CLASP1: variants seen among roughly 807,000 people sequenced by gnomAD.
CLASP1 encodes cytoplasmic linker associated protein 1, also known as CLIP-associating protein 1.
In CLASP1, 38 loss-of-function variants were observed where a neutral mutation model predicts 192.3. The observed-to-expected ratio is 0.20, with a 90% CI of 0.15 to 0.26. The LOEUF (loss-of-function observed/expected upper bound fraction) is 0.26. Ranked by LOEUF, CLASP1 falls within the 10% of genes least tolerant of loss-of-function variation. The pLI is 1.00. For missense variants in CLASP1, 1,433 were observed against 1,932.5 expected, an observed-to-expected ratio of 0.74 and a Z score of 4.85; for synonymous variants, 691 against 712.8, an observed-to-expected ratio of 0.97 and a Z score of 0.49.
At chr2:121,549,085 T>A (rs2057754617) in intron 2 of CLASP1, among the ~76,000 whole-genome samples, 1 of 152,046 alleles carries the variant, frequency 6.6e-6, no homozygotes, top group African/African-American at 2.4e-5. Flanking sequence ...TACACATATA[T>A]AAAACTAACC....
chr2:121,433,664 G>A (rs1344985547), intron 19 of CLASP1, among the ~76,000 whole-genome samples: 5 of 152,000 alleles, frequency 3.3e-5, no homozygotes, highest in Admixed American at 3.3e-4. Context: ...GCTGAGGCAC[G>A]AGAATTGCTT....
rs145127425 is a variant in CLASP1 at position 121,363,291 on chromosome 2, G to T, written c.4087C>A (p.Arg1363=). The change falls in exon 37 of 40, where the codon CGA becomes AGA. Residue 1363 remains arginine (R), a synonymous_variant. Transcript: ENST00000263710. The stretch of plus-strand genomic sequence containing the variant: ...CTCAAAACTCTTAACGCCAGTGCTC[G>T]AATTGAATGCTAGAATACAAAGGGA... 3.1e-6 allele frequency: 5 copies of T among 1,613,606 alleles called. No individual in the cohort carries two copies. In the African/African-American group the frequency reaches 5.3e-5, roughly 17 times the overall value.
At chr2:121,540,557 G>A (rs1392615644) in intron 2 of CLASP1, among the ~76,000 whole-genome samples, 1 of 152,080 alleles carries the variant, frequency 6.6e-6, no homozygotes, top group Non-Finnish European at 1.5e-5. Flanking sequence ...GGGAGGCTGA[G>A]GTGGGCGAAT....
intron 2 of CLASP1, among the ~76,000 whole-genome samples, chr2:121,535,114 C>A (rs1202153327): frequency 6.6e-6 from 1 of 152,064 alleles, no homozygotes; most frequent in Non-Finnish European, 1.5e-5. Flanking sequence ...GCCACCTCTA[C>A]GAAAAAATAC....
intron 3 of CLASP1, 23 bp from the exon 4 acceptor site, chr2:121,528,803 A>G: frequency 6.3e-7 from 1 of 1,576,640 alleles, no homozygotes; most frequent in Non-Finnish European, 8.7e-7. Flanking sequence ...ATGGAAACTG[A>G]TCAAATGAAA....
At position 121,559,635 on chromosome 2, in the gene CLASP1, G is replaced by GA. The variant is rs200697884; in HGVS notation, c.196-29311dup. On this transcript the variant is annotated intron_variant, in intron 2 of 39. Transcript: ENST00000263710. ...TTATGAAATATCTGGAATAGAGACA[G>GA]AAAAAAAAAATCCAAAGACAGCAAG... Among the ~76,000 whole-genome samples the GA allele has an allele frequency of 9.5e-4, 142 of 149,842 alleles. 1 individual carries two copies. The highest frequency in any genetic ancestry group is 3.3e-3 in the Admixed American group (49 of 15,034).
At chr2:121,467,744 T>C (rs1408288864) in intron 9 of CLASP1, among the ~76,000 whole-genome samples, 2 of 152,230 alleles carry the variant, frequency 1.3e-5, no homozygotes, top group Admixed American at 6.5e-5. Flanking sequence ...ATTCTGTAGG[T>C]TGAGTGTTCT....
At chr2:121,532,020 CACA>C (rs2094905065) in intron 2 of CLASP1, among the ~76,000 whole-genome samples, 1 of 152,226 alleles carries the variant, frequency 6.6e-6, no homozygotes, top group Admixed American at 6.5e-5. Context: ...CCAATGTTCA[CACA>C]ACAACCAAAC....
intron 8 of CLASP1, among the ~76,000 whole-genome samples, chr2:121,486,224 CA>C (rs1332240076): frequency 6.6e-6 from 1 of 152,122 alleles, no homozygotes; most frequent in African/African-American, 2.4e-5. Flanking sequence ...ATTTATCCCT[CA>C]AAAAGGAACT....
intron 26 of CLASP1, chr2:121,402,452 C>T (rs916840218): frequency 2.0e-5 from 8 of 408,702 alleles, no homozygotes; most frequent in African/African-American, 2.1e-5. Context: ...AACCCTATAC[C>T]GCCTCATTTC....
intron 8 of CLASP1, among the ~76,000 whole-genome samples, chr2:121,483,593 T>TAC (rs2092775666): frequency 1.3e-5 from 2 of 151,952 alleles, no homozygotes; most frequent in Non-Finnish European, 1.5e-5. Flanking sequence ...TATACATATA[T>TAC]ACACACACAC....
chr2:121,633,655 C>T (rs1159361377), intron 1 of CLASP1, among the ~76,000 whole-genome samples: 2 of 152,124 alleles, frequency 1.3e-5, no homozygotes, highest in Non-Finnish European at 2.9e-5. Context: ...AGTCAATCTC[C>T]TTGTCTCATG....
intron 2 of CLASP1, among the ~76,000 whole-genome samples, chr2:121,574,200 T>C (rs376157277): frequency 1.4e-4 from 21 of 151,980 alleles, no homozygotes; most frequent in African/African-American, 4.3e-4. Context: ...TGTTGGCGGG[T>C]GCCTATAGTC....
chr2:121,460,746 G>C (rs1333803919), intron 11 of CLASP1, among the ~76,000 whole-genome samples: 1 of 152,000 alleles, frequency 6.6e-6, no homozygotes, highest in Non-Finnish European at 1.5e-5. Flanking sequence ...GTGATAAGAA[G>C]AAAGAAAAGA....
intron 6 of CLASP1, among the ~76,000 whole-genome samples, chr2:121,523,022 G>A (rs1046370397): frequency 2.0e-5 from 3 of 152,134 alleles, no homozygotes; most frequent in African/African-American, 7.2e-5. Context: ...TCACTTGCAA[G>A]GACTCTCATA....
chr2:121,596,166 C>T (rs1222101503), intron 2 of CLASP1, among the ~76,000 whole-genome samples: 10 of 152,176 alleles, frequency 6.6e-5, no homozygotes, highest in Admixed American at 6.5e-4. Context: ...ACCAACAATC[C>T]ATATAAATTT....
chr2:121,589,502 C>T (rs1291731624), intron 2 of CLASP1, among the ~76,000 whole-genome samples: 4 of 152,030 alleles, frequency 2.6e-5, no homozygotes, highest in East Asian at 1.9e-4. Context: ...TGGTGGTGCA[C>T]GCCTGTAGTC....
chr2:121,353,496 C>T (rs2064871962), intron 37 of CLASP1, among the ~76,000 whole-genome samples: 2 of 152,336 alleles, frequency 1.3e-5, no homozygotes, highest in South Asian at 4.1e-4. Flanking sequence ...TGTGGTGCTT[C>T]CTCTCCCTGC....
chr2:121,386,112 AC>A (rs1448930858), intron 32 of CLASP1, among the ~76,000 whole-genome samples: 1 of 152,256 alleles, frequency 6.6e-6, no homozygotes, highest in Non-Finnish European at 1.5e-5. Context: ...GATATGAGGA[AC>A]TGGAAACCTT....
Sources: allele counts gnomAD v4.1 joint callset (sites outside exome capture counted in the v4.1 genomes callset), GRCh38; gene constraint gnomAD v4.1.1; transcripts MANE v1.5; gene names NCBI Gene and HGNC (gene_info 2026-07-23, HGNC 2026-07-21).